Variants in SQSTM1 observed in about 807,000 individuals in gnomAD.
SQSTM1 encodes sequestosome 1.
Under a neutral mutation model 45.1 loss-of-function variants are expected in SQSTM1, and 36 were observed. The ratio of observed to expected loss-of-function variants is 0.80; its 90% CI spans 0.61 to 1.05. SQSTM1 has a LOEUF of 1.05. Ranked by LOEUF, SQSTM1 falls within the 50% of genes least tolerant of loss-of-function variation. The pLI is 0.00. For missense variants in SQSTM1, 617 were observed against 607.1 expected, an observed-to-expected ratio of 1.02 and a Z score of -0.17; for synonymous variants, 290 against 244.3, an observed-to-expected ratio of 1.19 and a Z score of -1.74.
At position 179,806,466 on chromosome 5, in the gene SQSTM1, C is replaced by A; in HGVS notation, c.-282C>A. On this transcript the variant is annotated 5_prime_UTR_variant, in exon 1 of 6. Coordinates refer to the SQSTM1 transcript ENST00000514093. This position sits in a 1 kb window ranked among gnomAD's most constrained non-coding sequence, Gnocchi z 4.6. ...GACGCCCAGGTGCGCCAGGTGCGGG[C>A]CGGGCGGGGGTCGCGCTCACCTTTC... is the stretch of plus-strand genomic sequence containing the variant. 8.0e-7 allele frequency: 1 copy of A among 1,254,544 alleles called. No individual in the cohort carries two copies. The allele number at this position is 1,254,544 out of a possible 1,614,324, so 77.7% of individuals were successfully genotyped here.
Position 179,833,036 on chromosome 5 carries a change from T to G in SQSTM1, c.759T>G (p.Ile253Met), listed in dbSNP as rs756387572. 6.2e-7 allele frequency: 1 copy of G among 1,614,072 alleles called. No homozygotes were observed. Among genetic ancestry groups the G allele is most frequent in the Non-Finnish European group, 8.5e-7 (1 of 1,179,986 alleles). ...TCTTTCCTCCTCCGCCTCTAGGCATTGAAGTTGATATCGATGTGGAGCACG... is the reference window on the plus strand; with the variant it reads ...TCTTTCCTCCTCCGCCTCTAGGCATGGAAGTTGATATCGATGTGGAGCACG... ...SVAAALSPLG[I>M]EVDIDVEHGG... The change falls in exon 6 of 8, where the codon ATT (isoleucine) becomes ATG (methionine). Residue 253 changes from isoleucine to methionine, a missense_variant. Ile to Met is a conservative substitution (Grantham distance 10, BLOSUM62 1). Coordinates refer to ENST00000389805, the MANE Select transcript of SQSTM1 (RefSeq NM_003900.5).
chr5:179,820,920 C>A lies in SQSTM1; in HGVS notation c.-17C>A. 1 of 1,522,438 alleles carries A rather than the reference C, an allele frequency of 6.6e-7. No individual in the cohort carries two copies. The highest frequency in any genetic ancestry group is 8.8e-7 in the Non-Finnish European group (1 of 1,136,252). The allele number at this position is 1,522,438 out of a possible 1,614,324, so 94.3% of individuals were successfully genotyped here. A position where few individuals can be genotyped will look rare whatever the true frequency, so the allele number is the denominator to read the frequency against. ...TGCGACCGGGACGGCCCGTTTTCCG[C>A]CAGCTCGCCGCTCGCTATGGCGTCG... On this transcript the variant is annotated 5_prime_UTR_variant, in exon 1 of 8. Transcript: ENST00000389805.
At chr5:179,822,909 C>A in intron 1 of SQSTM1, 49 bp from the exon 2 acceptor site, 1 of 1,530,146 alleles carries the variant, frequency 6.5e-7, no homozygotes. Context: ...CAGCTTATGT[C>A]CAGCTGAGAA....
chr5:179,823,544 C>T, intron 2 of SQSTM1: 1 of 366,326 alleles, frequency 2.7e-6, no homozygotes. Flanking sequence ...GGGATGGGGT[C>T]TGGTGCCGTG....
chr5:179,821,202 G>T, intron 1 of SQSTM1, 61 bp downstream of exon 1: 1 of 1,306,570 alleles, frequency 7.7e-7, no homozygotes, highest in Non-Finnish European at 9.8e-7. Flanking sequence ...TCCTGCCGCG[G>T]GGTGGCTGCC....
chr5:179,836,657 GA>G lies in SQSTM1; in HGVS notation c.*66del. On this transcript the variant is annotated 3_prime_UTR_variant, in exon 8 of 8. Coordinates refer to ENST00000389805, the MANE Select transcript of SQSTM1 (RefSeq NM_003900.5). ...CTCATAGTTGTGTTAAGCTTGCGTA[GA>G]ATTGCAGGTCTCTGTACGGGCCAGT... 1 of 1,611,088 alleles carries G rather than the reference GA, an allele frequency of 6.2e-7. No homozygotes were observed. The highest frequency in any genetic ancestry group is 2.2e-5 in the East Asian group (1 of 44,860).
chr5:179,837,152 T>C lies in SQSTM1; in HGVS notation c.*559T>C. ...CCTGGTCTCTTCACCACTGTAGTTC[T>C]CTCATTTCCAAACCATCAGCTGCTT... is the stretch of plus-strand genomic sequence containing the variant. On this transcript the variant is annotated 3_prime_UTR_variant, in exon 8 of 8. Coordinates refer to ENST00000389805, the MANE Select transcript of SQSTM1 (RefSeq NM_003900.5). The C allele has an allele frequency of 7.1e-7, 1 of 1,403,852 alleles. No individual in the cohort carries two copies. Among genetic ancestry groups the C allele is most frequent in the Non-Finnish European group, 9.8e-7 (1 of 1,025,556 alleles). The allele number at this position is 1,403,852 out of a possible 1,614,324, so 87.0% of individuals were successfully genotyped here. A position where few individuals can be genotyped will look rare whatever the true frequency, so the allele number is the denominator to read the frequency against.
Position 179,836,620 on chromosome 5 carries a change from C to T in SQSTM1, c.*27C>T, listed in dbSNP as rs1329780260. On this transcript the variant is annotated 3_prime_UTR_variant, in exon 8 of 8. Transcript: ENST00000389805. Reference sequence around the variant, plus strand: ...CACTTTTGCCCACCTCTTCTGCGTGCCCCTCTTCTGTCTCATAGTTGTGTT... The same window carrying T: ...CACTTTTGCCCACCTCTTCTGCGTGTCCCTCTTCTGTCTCATAGTTGTGTT... 3.7e-6 allele frequency: 6 copies of T among 1,611,442 alleles called. No individual in the cohort carries two copies. In the South Asian group the frequency reaches 5.5e-5, roughly 15 times the overall value.
At chr5:179,811,415 AG>A (rs200665912) in intron 1 of SQSTM1, among the ~76,000 whole-genome samples, 83 of 18,304 alleles carry the variant, frequency 4.5e-3, no homozygotes, top group African/African-American at 0.016. Context: ...GGAGCTATGC[AG>A]GGGGGAGGAG....
intron 7 of SQSTM1, chr5:179,835,860 G>C (rs1004915189): frequency 5.9e-6 from 1 of 169,252 alleles, no homozygotes; most frequent in Non-Finnish European, 1.3e-5. Context: ...TTTTGTGGCT[G>C]AGTAGTATTC....
chr5:179,810,228 C>G (rs534414020), intron 1 of SQSTM1, among the ~76,000 whole-genome samples: 1 of 152,194 alleles, frequency 6.6e-6, no homozygotes, highest in East Asian at 1.9e-4. Flanking sequence ...ATTAACTCAT[C>G]ATTTACATTA....
chr5:179,811,047 C>A (rs1228536450), intron 1 of SQSTM1, among the ~76,000 whole-genome samples: 1 of 152,152 alleles, frequency 6.6e-6, no homozygotes, highest in Non-Finnish European at 1.5e-5. Context: ...CCGAGACCAT[C>A]TTAGCTAACA....
At chr5:179,808,338 AG>A (rs1000170620) in intron 1 of SQSTM1, 32 of 152,222 alleles carry the variant, frequency 2.1e-4, no homozygotes, top group African/African-American at 7.5e-4. Flanking sequence ...GTTAAAGGAG[AG>A]GGCTCCCCAC....
At chr5:179,834,243 GTGGGGGGT>G (rs1758395994) in intron 7 of SQSTM1, among the ~76,000 whole-genome samples, 1 of 93,464 alleles carries the variant, frequency 1.1e-5, no homozygotes, top group Admixed American at 1.0e-4. Context: ...CAGTGGGGGG[GTGGGGGGT>G]GGGGACAGCT....
At chr5:179,817,278 A>G (rs1022964899), upstream of SQSTM1, among the ~76,000 whole-genome samples, 1 of 152,178 alleles carries the variant, frequency 6.6e-6, no homozygotes, top group Non-Finnish European at 1.5e-5. Flanking sequence ...TCTGGGGACC[A>G]GGGCTGTGGT....
intron 5 of SQSTM1, among the ~76,000 whole-genome samples, chr5:179,826,448 T>A (rs566545373): frequency 6.6e-6 from 1 of 152,136 alleles, no homozygotes; most frequent in South Asian, 2.1e-4. Flanking sequence ...ATTACAGGTG[T>A]GAACCACTGC....
At chr5:179,823,724 G>A in intron 2 of SQSTM1, 134 bp from the exon 3 acceptor site, 1 of 970,336 alleles carries the variant, frequency 1.0e-6, no homozygotes, top group East Asian at 2.5e-5. Flanking sequence ...CACCTAAGTG[G>A]CTGAATTTTG....
chr5:179,815,033 G>T (rs1053726335), upstream of SQSTM1, among the ~76,000 whole-genome samples: 1 of 152,178 alleles, frequency 6.6e-6, no homozygotes, highest in Non-Finnish European at 1.5e-5. Flanking sequence ...GGTGGCTTGA[G>T]GGGGAGCATA....
chr5:179,822,769 C>T (rs1419306777), intron 1 of SQSTM1, 189 bp from the exon 2 acceptor site: 3 of 674,394 alleles, frequency 4.4e-6, no homozygotes, highest in Non-Finnish European at 8.1e-6. Context: ...GGTCGGAGCA[C>T]TCACCTTCCA....
Sources: allele counts gnomAD v4.1 joint callset (sites outside exome capture counted in the v4.1 genomes callset), GRCh38; gene constraint gnomAD v4.1.1; non-coding constraint Gnocchi (gnomAD v3.1); transcripts MANE v1.5; gene names NCBI Gene and HGNC (gene_info 2026-07-23, HGNC 2026-07-21).